The following ACTR2 variants were observed in gnomAD, a reference collection of about 807,000 sequenced individuals.
ACTR2 encodes the protein actin-related protein 2.
ACTR2 carries 5 observed loss-of-function variants against 50.2 expected under a neutral mutation model. That is an observed-to-expected ratio of 0.10 (90% CI 0.05 to 0.21). The LOEUF is 0.21. ACTR2 is among the 10% of genes least tolerant of loss of function. The pLI is 1.00. For synonymous variants in ACTR2, 140 were observed against 162.9 expected (o/e 0.86, Z 1.07); for missense variants, 180 against 480.6 (o/e 0.37, Z 5.85).
chr2:65,247,087 A>G (rs908997448), intron 3 of ACTR2, among the ~76,000 whole-genome samples: 1 of 152,104 alleles, frequency 6.6e-6, no homozygotes, highest in African/African-American at 2.4e-5. Flanking sequence ...AGTTAATTAA[A>G]TGGTTTGTTA....
chr2:65,234,661 G>A (rs575039789), intron 1 of ACTR2, among the ~76,000 whole-genome samples: 7 of 152,132 alleles, frequency 4.6e-5, no homozygotes, highest in Admixed American at 6.6e-5. Flanking sequence ...GAGGGGAGAC[G>A]TGTCAACCTT....
intron 4 of ACTR2, 142 bp from the exon 5 acceptor site, chr2:65,253,586 C>A: frequency 1.2e-6 from 1 of 824,518 alleles, no homozygotes; most frequent in Non-Finnish European, 1.9e-6. Flanking sequence ...GCATTAGAAA[C>A]AAACTGCAAA....
chr2:65,259,042 G>A lies in ACTR2; in HGVS notation c.736-2205G>A, dbSNP rs184216374. On this transcript the variant is annotated intron_variant, in intron 6 of 8. Transcript: ENST00000260641. ...GGCTGCAGTGCAGTGGCATGATCTCGGCTCACTTCAGTCTCAATCTCCCAG... is the reference window on the plus strand; with the variant it reads ...GGCTGCAGTGCAGTGGCATGATCTCAGCTCACTTCAGTCTCAATCTCCCAG... 2.7e-3 allele frequency among the ~76,000 whole-genome samples: 402 copies of A among 151,574 alleles called. 3 individuals are homozygous for A. Among genetic ancestry groups the A allele is most frequent in the Middle Eastern group, 0.014 (4 of 294 alleles).
rs777074458 is a variant in ACTR2 at position 65,269,559 on chromosome 2, T to A, written c.*825T>A. 2.6e-5 allele frequency: 4 copies of A among 152,366 alleles called. No individual in the cohort carries two copies. The highest frequency in any genetic ancestry group is 5.9e-5 in the Non-Finnish European group (4 of 68,032). 9.4% of individuals were successfully genotyped at this position (152,366 alleles called of 1,614,324 possible). A position where few individuals can be genotyped will look rare whatever the true frequency, so the allele number is the denominator to read the frequency against. On this transcript the variant is annotated 3_prime_UTR_variant, in exon 9 of 9. Coordinates refer to ENST00000260641, the MANE Select transcript of ACTR2 (RefSeq NM_005722.4). ...GATTAGACTCCCTACAGTCCTTCAA[T>A]GGAAAAGTAACATTTAAAAATCCTT...
In ACTR2 at chr2:65,270,936, ATTCTT is replaced by A. The variant is rs1672482804; in HGVS notation, c.*2203_*2207del. The A allele has an allele frequency of 6.6e-6, 1 of 152,066 alleles. No homozygotes were observed. Among genetic ancestry groups the A allele is most frequent in the Non-Finnish European group, 1.5e-5 (1 of 68,012 alleles). The allele number at this position is 152,066 out of a possible 1,614,324, so 9.4% of individuals were successfully genotyped here. ...AAATTCTGTTTTAAAAAGCAATCTG[ATTCTT>A]AGCTCTTGAAACTATTGCTACTTAA... On this transcript the variant is annotated 3_prime_UTR_variant, in exon 9 of 9. Coordinates refer to ENST00000260641, the MANE Select transcript of ACTR2 (RefSeq NM_005722.4).
intron 6 of ACTR2, 43 bp downstream of exon 6, chr2:65,255,737 A>G: frequency 6.5e-7 from 1 of 1,533,336 alleles, no homozygotes; most frequent in South Asian, 1.3e-5. Flanking sequence ...TTTAAAGTGG[A>G]CAGCCATGAT....
intron 7 of ACTR2, 99 bp downstream of exon 7, chr2:65,261,491 C>CT (rs1672267176): frequency 1.7e-6 from 2 of 1,173,224 alleles, no homozygotes; most frequent in South Asian, 1.7e-5. Context: ...AATAGAATGA[C>CT]TAAGTTTATA....
intron 1 of ACTR2, among the ~76,000 whole-genome samples, chr2:65,239,569 G>A (rs911191503): frequency 3.3e-5 from 5 of 152,252 alleles, no homozygotes; most frequent in East Asian, 1.9e-4. Context: ...ATTCCAGCAC[G>A]AACTGCTCAG....
At position 65,255,551 on chromosome 2, in the gene ACTR2, C is replaced by T; in HGVS notation, c.592C>T (p.Leu198=). 1 of 1,613,184 alleles carries T rather than the reference C, an allele frequency of 6.2e-7. No homozygotes were observed. ...DITRYLIKLL[L]LRGYAFNHSA... Reference sequence around the variant, plus strand: ...TGCTATTGTTTTGTACCAGCTACTTCTGTTGCGAGGATACGCCTTCAACCA... The same window carrying T: ...TGCTATTGTTTTGTACCAGCTACTTTTGTTGCGAGGATACGCCTTCAACCA... Residue 198 remains leucine (L), a synonymous_variant, in exon 6 of 9, where the codon CTG becomes TTG. Coordinates refer to ENST00000260641, the MANE Select transcript of ACTR2 (RefSeq NM_005722.4).
intron 8 of ACTR2, among the ~76,000 whole-genome samples, chr2:65,265,611 T>G (rs528477224): frequency 2.0e-5 from 3 of 152,378 alleles, no homozygotes; most frequent in Non-Finnish European, 4.4e-5. Context: ...TCAGTCAGAT[T>G]GAAAAACATC....
At chr2:65,232,680 G>A (rs765296405) in intron 1 of ACTR2, among the ~76,000 whole-genome samples, 2 of 151,986 alleles carry the variant, frequency 1.3e-5, no homozygotes, top group Non-Finnish European at 2.9e-5. Context: ...AAAAAAAAAT[G>A]TACTTTTAGA....
intron 4 of ACTR2, 128 bp from the exon 5 acceptor site, chr2:65,253,600 A>G: frequency 2.2e-6 from 2 of 920,260 alleles, no homozygotes; most frequent in South Asian, 1.6e-5. Context: ...CTGCAAAATA[A>G]CTAAATAATA....
chr2:65,266,572 G>A (rs1353329237), intron 8 of ACTR2, among the ~76,000 whole-genome samples: 1 of 152,090 alleles, frequency 6.6e-6, no homozygotes, highest in Non-Finnish European at 1.5e-5. Flanking sequence ...GGCGGTTTAA[G>A]CAGAGAAATG....
intron 3 of ACTR2, among the ~76,000 whole-genome samples, chr2:65,248,811 T>A (rs529033623): frequency 3.3e-5 from 5 of 151,912 alleles, no homozygotes; most frequent in African/African-American, 1.2e-4. Flanking sequence ...ACTAGGAATT[T>A]GAGACCAGCC....
At chr2:65,233,690 C>T (rs948234601) in intron 1 of ACTR2, among the ~76,000 whole-genome samples, 1 of 151,728 alleles carries the variant, frequency 6.6e-6, no homozygotes, top group African/African-American at 2.4e-5. Context: ...CGGCTCACTG[C>T]AACCTCCGCC....
chr2:65,262,394 A>ATTTTTTTTTTTTTTTTTTTTT (rs959959939), intron 7 of ACTR2, among the ~76,000 whole-genome samples: 1 of 137,540 alleles, frequency 7.3e-6, no homozygotes, highest in Non-Finnish European at 1.6e-5. Flanking sequence ...CATGCCCAGA[A>ATTTTTTTTTTTTTTTTTTTTT]TTTTTTTTTT....
At chr2:65,228,833 C>T (rs1671581507) in intron 1 of ACTR2, among the ~76,000 whole-genome samples, 2 of 152,178 alleles carry the variant, frequency 1.3e-5, no homozygotes, top group Non-Finnish European at 2.9e-5. Context: ...AATCCCAGCA[C>T]TTTGGGAGGC....
chr2:65,235,484 C>T (rs909990103), intron 1 of ACTR2, among the ~76,000 whole-genome samples: 7 of 152,176 alleles, frequency 4.6e-5, no homozygotes, highest in African/African-American at 1.7e-4. Flanking sequence ...AGGCTGGGTG[C>T]CGTGGCTCAC....
In ACTR2 at chr2:65,253,955, C is replaced by G. The variant is rs989316962; in HGVS notation, c.585+91C>G. On this transcript the variant is annotated intron_variant, in intron 5 of 8. Transcript: ENST00000260641. The stretch of plus-strand genomic sequence containing the variant: ...TGAATCTATCGTTTTAGGATTCCAG[C>G]AAATCTGTACCACTAGAGAAATTAT... 2.8e-6 allele frequency: 3 copies of G among 1,072,282 alleles called. No homozygotes were observed. In the Admixed American group the frequency reaches 7.3e-5, roughly 26 times the overall value. 66.4% of individuals were successfully genotyped at this position (1,072,282 alleles called of 1,614,324 possible). A position where few individuals can be genotyped will look rare whatever the true frequency, so the allele number is the denominator to read the frequency against.
Sources: allele counts gnomAD v4.1 joint callset (sites outside exome capture counted in the v4.1 genomes callset), GRCh38; gene constraint gnomAD v4.1.1; transcripts MANE v1.5; gene names NCBI Gene and HGNC (gene_info 2026-07-23, HGNC 2026-07-21).